The following MKLN1 variants were observed in gnomAD, a reference collection of about 807,000 sequenced individuals.
The protein encoded by MKLN1 is muskelin 1, also known as muskelin.
In MKLN1, 18 loss-of-function variants were observed where a neutral mutation model predicts 99.0. The observed-to-expected ratio is 0.18, with a 90% CI of 0.13 to 0.27. The LOEUF (loss-of-function observed/expected upper bound fraction) is 0.27, where lower values mean the gene tolerates loss of function less well. Among genes scored for constraint, MKLN1 ranks in the 10% least tolerant of loss-of-function variants. The probability of loss-of-function intolerance (pLI) is 1.00; values close to 1 mark genes in which losing one functional copy is unlikely to be tolerated. For missense variants in MKLN1, 621 were observed against 875.9 expected (o/e 0.71, Z 3.67); for synonymous variants, 288 against 293.2 (o/e 0.98, Z 0.18).
At chr7:131,482,450 T>C (rs571679935) in intron 17 of MKLN1, among the ~76,000 whole-genome samples, 2 of 152,312 alleles carry the variant, frequency 1.3e-5, no homozygotes, top group South Asian at 4.1e-4. Flanking sequence ...CAACTCTTTT[T>C]AGAAGTTTAC....
intron 3 of MKLN1, among the ~76,000 whole-genome samples, chr7:131,252,235 A>T (rs1281459560): frequency 6.6e-6 from 1 of 152,146 alleles, no homozygotes; most frequent in Non-Finnish European, 1.5e-5. Context: ...GGGAAAAACA[A>T]TGGACTTGAT....
intron 1 of MKLN1, among the ~76,000 whole-genome samples, chr7:131,360,083 T>C (rs957155222): frequency 2.0e-5 from 3 of 152,148 alleles, no homozygotes; most frequent in African/African-American, 7.2e-5. Context: ...TTTTCCTTGA[T>C]CTTATGTTTG....
chr7:131,162,451 C>T (rs948463266), intron 2 of MKLN1, among the ~76,000 whole-genome samples: 20 of 152,106 alleles, frequency 1.3e-4, no homozygotes, highest in African/African-American at 4.8e-4. Flanking sequence ...AATGATGTTG[C>T]CAAACAAGCA....
intron 3 of MKLN1, among the ~76,000 whole-genome samples, chr7:131,272,704 G>A (rs1489602992): frequency 1.3e-5 from 2 of 152,152 alleles, no homozygotes; most frequent in East Asian, 3.8e-4. Context: ...GAGGTGAAAG[G>A]CACTTCTTAC....
rs373277972 is a variant in MKLN1, at chr7:131,400,086, T to G, written c.703+653T>G. ...TTTTTTTAATCTTCCTCAGTAACTT[T>G]CATAGTGACAAACAACAGAATAGTT... On this transcript the variant is annotated intron_variant, in intron 6 of 17. Coordinates refer to ENST00000352689, the MANE Select transcript of MKLN1 (RefSeq NM_013255.5). 2.0e-5 allele frequency among the ~76,000 whole-genome samples: 3 copies of G among 152,106 alleles called. 1 individual carries two copies. Among genetic ancestry groups the G allele is most frequent in the African/African-American group, 7.2e-5 (3 of 41,444 alleles).
chr7:131,287,270 T>C (rs1250619677), intron 3 of MKLN1, among the ~76,000 whole-genome samples: 1 of 152,242 alleles, frequency 6.6e-6, no homozygotes, highest in Non-Finnish European at 1.5e-5. Flanking sequence ...CCGTAACAAA[T>C]TACTACAAAC....
At chr7:131,288,712 T>C (rs1051873625) in intron 3 of MKLN1, among the ~76,000 whole-genome samples, 3 of 152,192 alleles carry the variant, frequency 2.0e-5, no homozygotes, top group African/African-American at 7.2e-5. Context: ...TGCTTTGCAC[T>C]CTAATTATCT....
At chr7:131,480,752 TG>T (rs1797100232) in intron 17 of MKLN1, among the ~76,000 whole-genome samples, 1 of 152,262 alleles carries the variant, frequency 6.6e-6, no homozygotes, top group Non-Finnish European at 1.5e-5. Flanking sequence ...TTGAAACAGA[TG>T]TACTGATACA....
At chr7:131,360,789 C>G (rs1028962284) in intron 1 of MKLN1, among the ~76,000 whole-genome samples, 1 of 152,118 alleles carries the variant, frequency 6.6e-6, no homozygotes, top group African/African-American at 2.4e-5. Context: ...TATAGCTGTT[C>G]TTGCTGAAGA....
chr7:131,298,099 G>T (rs1414976268), intron 3 of MKLN1, among the ~76,000 whole-genome samples: 1 of 150,794 alleles, frequency 6.6e-6, no homozygotes, highest in Non-Finnish European at 1.5e-5. Context: ...GTGAAACCCC[G>T]TCTCTACTAA....
chr7:131,439,706 A>G (rs185327790), intron 10 of MKLN1, among the ~76,000 whole-genome samples: 39 of 152,336 alleles, frequency 2.6e-4, no homozygotes, highest in Admixed American at 2.5e-3. Context: ...AAACATGCTT[A>G]AAAGCTATTT....
chr7:131,120,544 C>T (rs1448758988), intron 1 of MKLN1, among the ~76,000 whole-genome samples: 1 of 34,498 alleles, frequency 2.9e-5, no homozygotes, highest in African/African-American at 1.1e-4. Context: ...GCAAGACTCC[C>T]TCTCAAAAAA....
At chr7:131,371,665 CT>C (rs1169844023) in intron 1 of MKLN1, among the ~76,000 whole-genome samples, 4 of 151,972 alleles carry the variant, frequency 2.6e-5, no homozygotes, top group Non-Finnish European at 5.9e-5. Context: ...GGCTCTCTTC[CT>C]CATGTTATTG....
chr7:131,484,541 A>G (rs1797220496), intron 17 of MKLN1, among the ~76,000 whole-genome samples: 1 of 152,314 alleles, frequency 6.6e-6, no homozygotes, highest in African/African-American at 2.4e-5. Context: ...AGTACCTACC[A>G]CACAGGAACT....
intron 1 of MKLN1, among the ~76,000 whole-genome samples, chr7:131,344,998 G>A (rs959725822): frequency 1.3e-5 from 2 of 152,070 alleles, no homozygotes; most frequent in Non-Finnish European, 2.9e-5. Flanking sequence ...TAAAGACGGG[G>A]TTTCACCATG....
chr7:131,342,745 G>A (rs2116732407), intron 1 of MKLN1, among the ~76,000 whole-genome samples: 1 of 152,216 alleles, frequency 6.6e-6, no homozygotes, highest in Non-Finnish European at 1.5e-5. Context: ...CATACATCTA[G>A]GTCTGAAAGT....
intron 1 of MKLN1, among the ~76,000 whole-genome samples, chr7:131,140,982 C>T (rs1254804429): frequency 6.6e-6 from 1 of 152,112 alleles, no homozygotes; most frequent in Admixed American, 6.6e-5. Context: ...GATGGGGCTT[C>T]ACCGTGTTAG....
At chr7:131,376,781 A>G (rs1312983495) in intron 2 of MKLN1, among the ~76,000 whole-genome samples, 2 of 151,842 alleles carry the variant, frequency 1.3e-5, no homozygotes, top group Non-Finnish European at 2.9e-5. Context: ...GCCCCCTCTT[A>G]TATCTTTCCT....
chr7:131,196,004 CT>C (rs1286600351), intron 2 of MKLN1, among the ~76,000 whole-genome samples: 2 of 151,974 alleles, frequency 1.3e-5, no homozygotes, highest in Admixed American at 6.6e-5. Flanking sequence ...TTTTAATTTT[CT>C]TTTTTGTGTA....
Sources: allele counts gnomAD v4.1 joint callset (sites outside exome capture counted in the v4.1 genomes callset), GRCh38; gene constraint gnomAD v4.1.1; transcripts MANE v1.5; gene names NCBI Gene and HGNC (gene_info 2026-07-23, HGNC 2026-07-21).